The following CCNO variants were observed in gnomAD, a reference collection of about 807,000 sequenced individuals.
CCNO encodes the protein cyclin-O.
Under a neutral mutation model 23.9 loss-of-function variants are expected in CCNO, and 24 were observed. That is an observed-to-expected ratio of 1.00 (90% CI 0.73 to 1.41). The LOEUF is 1.41. Ranked by LOEUF, CCNO falls within the 40% of genes most tolerant of loss-of-function variation. CCNO has a pLI of 0.00. For missense variants in CCNO, 542 were observed against 476.2 expected, an observed-to-expected ratio of 1.14 and a Z score of -1.29; for synonymous variants, 241 against 225.7, an observed-to-expected ratio of 1.07 and a Z score of -0.61.
At position 55,233,587 on chromosome 5, in the gene CCNO, A is replaced by T. The variant is rs995711643; in HGVS notation, c.-64T>A. 7.0e-7 allele frequency: 1 copy of T among 1,438,578 alleles called. No homozygotes were observed. The highest frequency in any genetic ancestry group is 1.4e-5 in the African/African-American group (1 of 69,638). 89.1% of individuals were successfully genotyped at this position (1,438,578 alleles called of 1,614,324 possible). On this transcript the variant is annotated 5_prime_UTR_variant, in exon 1 of 3. Transcript: ENST00000282572. ...GGGCTGCGGCGGGCAGCAAACGCGC[A>T]CTCGAAAGTGCGAAGGAGGCCGGGC...
chr5:55,232,042 C>T (rs1412714945), intron 2 of CCNO, among the ~76,000 whole-genome samples, 182 bp from the exon 3 acceptor site: 1 of 146,174 alleles, frequency 6.8e-6, no homozygotes, highest in African/African-American at 2.5e-5. Context: ...TACTGTCCAA[C>T]TAAAAAAAAA....
Position 55,233,540 on chromosome 5 carries a change from C to T in CCNO, c.-17G>A. 1 of 1,523,864 alleles carries T rather than the reference C, an allele frequency of 6.6e-7. No homozygotes were observed. The highest frequency in any genetic ancestry group is 8.8e-7 in the Non-Finnish European group (1 of 1,141,574). 94.4% of individuals were successfully genotyped at this position (1,523,864 alleles called of 1,614,324 possible). ...GGTCACCATGATGCGGCCGGGTGGC[C>T]GCTTTACTACCTTCAACGCCCGGGC... On this transcript the variant is annotated 5_prime_UTR_variant, in exon 1 of 3. Coordinates refer to ENST00000282572, the MANE Select transcript of CCNO (RefSeq NM_021147.5).
At chr5:55,231,901 CG>C (rs1440711067) in intron 2 of CCNO, 41 bp from the exon 3 acceptor site, 4 of 1,488,864 alleles carry the variant, frequency 2.7e-6, no homozygotes, top group Middle Eastern at 2.4e-4. Flanking sequence ...TGCGGCTTCC[CG>C]GGCCCCAGGC....
At chr5:55,232,715 G>A in intron 1 of CCNO, 169 bp from the exon 2 acceptor site, 4 of 660,722 alleles carry the variant, frequency 6.1e-6, no homozygotes, top group South Asian at 5.6e-5. Context: ...GTGCTGAGCC[G>A]GAACACCGGG....
Position 55,231,849 on chromosome 5 carries a change from G to A in CCNO, c.579C>T (p.His193=), listed in dbSNP as rs552011098. Reference sequence around the variant, plus strand: ...CCAGAAGCTGCTTCACGCGCGGCGGGTGCACCTCCACCTGCAACACAGGGC... The same window carrying A: ...CCAGAAGCTGCTTCACGCGCGGCGGATGCACCTCCACCTGCAACACAGGGC... The part of the protein sequence containing the change: ...LLIACKQVEV[H]PPRVKQLLAL... Residue 193 remains histidine, a synonymous_variant, in exon 3 of 3, where the codon CAC becomes CAT. Coordinates refer to ENST00000282572, the MANE Select transcript of CCNO (RefSeq NM_021147.5). The A allele has an allele frequency of 1.3e-4, 202 of 1,540,768 alleles. No individual in the cohort carries two copies. Among genetic ancestry groups the A allele is most frequent in the Non-Finnish European group, 1.7e-4 (190 of 1,142,236 alleles).
Position 55,231,648 on chromosome 5 carries a change from G to C in CCNO, c.780C>G (p.Ala260=). The C allele has an allele frequency of 1.3e-6, 2 of 1,588,510 alleles. No homozygotes were observed. The highest frequency in any genetic ancestry group is 1.7e-6 in the Non-Finnish European group (2 of 1,167,876). ...AEASEALEAQ[A]LARGVAELSL... Reference sequence around the variant, plus strand: ...TCAGCTCTGCCACCCCCCGCGCCAGGGCTTGCGCTTCCAGAGCTTCGGAGG... The same window carrying C: ...TCAGCTCTGCCACCCCCCGCGCCAGCGCTTGCGCTTCCAGAGCTTCGGAGG... The change falls in exon 3 of 3, where the codon GCC becomes GCG. Residue 260 remains alanine, a synonymous_variant. Transcript: ENST00000282572.
At position 55,232,349 on chromosome 5, in the gene CCNO, T is replaced by C. The variant is rs1334750404; in HGVS notation, c.567+12A>G. On this transcript the variant is annotated intron_variant, in intron 2 of 2. Transcript: ENST00000282572. ...CCAGATGCCGCGTGTACCTGTTTGA[T>C]ACCCCAGGTACCTGTTTGCAAGCGA... 3.1e-6 allele frequency: 5 copies of C among 1,612,308 alleles called. No individual in the cohort carries two copies. Among genetic ancestry groups the C allele is most frequent in the African/African-American group, 1.3e-5 (1 of 74,828 alleles).
In CCNO at chr5:55,233,370, G is replaced by A; in HGVS notation, c.154C>T (p.Pro52Ser). The A allele has an allele frequency of 6.2e-7, 1 of 1,610,494 alleles. No individual in the cohort carries two copies. The highest frequency in any genetic ancestry group is 8.5e-7 in the Non-Finnish European group (1 of 1,179,156). Reference protein sequence around the residue: ...PLHPLNPCPLPGDSGICDLFE... With the variant: ...PLHPLNPCPLSGDSGICDLFE... Reference sequence around the variant, plus strand: ...AGGTCGCAAATGCCGGAGTCTCCCGGGAGCGGGCACGGGTTCAGGGGATGC... The same window carrying A: ...AGGTCGCAAATGCCGGAGTCTCCCGAGAGCGGGCACGGGTTCAGGGGATGC... The change falls in exon 1 of 3, where the codon CCG becomes TCG. Residue 52 changes from proline (P) to serine (S), a missense_variant. Transcript: ENST00000282572.
chr5:55,232,060 GGAAATTTT>G (rs1255208789), intron 2 of CCNO, among the ~76,000 whole-genome samples, 200 bp from the exon 3 acceptor site: 3 of 152,198 alleles, frequency 2.0e-5, no homozygotes, highest in Admixed American at 2.0e-4. Flanking sequence ...AAAAAGCTTG[GGAAATTTT>G]GAAGGCTTTT....
chr5:55,232,863 C>A, intron 1 of CCNO: 1 of 588,144 alleles, frequency 1.7e-6, no homozygotes, highest in Non-Finnish European at 3.0e-6. Context: ...TGCCCGAGTT[C>A]GGTAGGAGTC....
intron 1 of CCNO, 84 bp downstream of exon 1, chr5:55,233,059 C>T: frequency 1.4e-6 from 2 of 1,435,740 alleles, no homozygotes; most frequent in Non-Finnish European, 1.8e-6. Flanking sequence ...CCCGGGCGCT[C>T]GGAGGGCCGA....
At chr5:55,231,966 G>A in intron 2 of CCNO, 106 bp from the exon 3 acceptor site, 1 of 1,292,278 alleles carries the variant, frequency 7.7e-7, no homozygotes, top group Non-Finnish European at 1.0e-6. Context: ...AGACAGCCGG[G>A]GCTCTGCCTC....
Position 55,231,188 on chromosome 5 carries a change from C to G in CCNO, c.*187G>C, listed in dbSNP as rs1745560017. On this transcript the variant is annotated 3_prime_UTR_variant, in exon 3 of 3. Transcript: ENST00000282572. ...CACAACTGTTTATTGGTGAAAGACT[C>G]AGCTTCCTCATGTGCTCGCTGCAAA... 6.2e-6 allele frequency: 4 copies of G among 641,694 alleles called. No homozygotes were observed. The highest frequency in any genetic ancestry group is 1.1e-5 in the Non-Finnish European group (4 of 369,726). The allele number at this position is 641,694 out of a possible 1,614,324, so 39.8% of individuals were successfully genotyped here.
chr5:55,233,256 C>CGGGCT lies in CCNO; in HGVS notation c.263_267dup (p.Val90SerfsTer6), dbSNP rs587777502. On this transcript the variant is annotated frameshift_variant, in exon 1 of 3. Transcript: ENST00000282572. LOFTEE classifies it high-confidence loss of function. ...AAGGTCTGTAGATCTAGCTGCGCCA[C>CGGGCT]GGGCTGGGCCGGGCCGGGCAGGGGG... The CGGGCT allele has an allele frequency of 2.6e-5, 42 of 1,586,956 alleles. No individual in the cohort carries two copies. Among genetic ancestry groups the CGGGCT allele is most frequent in the Middle Eastern group, 1.7e-4 (1 of 5,974 alleles).
chr5:55,232,602 T>G (rs1745624174), intron 1 of CCNO, 56 bp from the exon 2 acceptor site: 1 of 1,554,064 alleles, frequency 6.4e-7, no homozygotes. Flanking sequence ...AGAGGGACTG[T>G]GGAAGGGAAG....
intron 1 of CCNO, chr5:55,232,913 C>A (rs1364654232): frequency 5.0e-6 from 3 of 597,824 alleles, no homozygotes; most frequent in African/African-American, 1.9e-5. Flanking sequence ...TACCGTGCCC[C>A]AGTAGCCAGC....
chr5:55,232,924 T>C, intron 1 of CCNO: 1 of 604,594 alleles, frequency 1.7e-6, no homozygotes, highest in Non-Finnish European at 2.9e-6. Context: ...AGTAGCCAGC[T>C]TGGGACGGGG....
In CCNO at chr5:55,233,571, C is replaced by T. The variant is rs1423516724; in HGVS notation, c.-48G>A. On this transcript the variant is annotated 5_prime_UTR_variant, in exon 1 of 3. Transcript: ENST00000282572. ...ACTACCTTCAACGCCCGGGCTGCGG[C>T]GGGCAGCAAACGCGCACTCGAAAGT... 6.8e-6 allele frequency: 10 copies of T among 1,467,624 alleles called. No homozygotes were observed. The highest frequency in any genetic ancestry group is 9.0e-6 in the Non-Finnish European group (10 of 1,115,458). 90.9% of individuals were successfully genotyped at this position (1,467,624 alleles called of 1,614,324 possible).
chr5:55,232,865 G>A (rs886256606), intron 1 of CCNO: 1 of 589,494 alleles, frequency 1.7e-6, no homozygotes, highest in Non-Finnish European at 3.0e-6. Flanking sequence ...CCCGAGTTCG[G>A]TAGGAGTCCA....
Sources: allele counts gnomAD v4.1 joint callset (sites outside exome capture counted in the v4.1 genomes callset), GRCh38; gene constraint gnomAD v4.1.1; transcripts MANE v1.5; gene names NCBI Gene and HGNC (gene_info 2026-07-23, HGNC 2026-07-21).